Variants in PCSK1 observed in about 807,000 individuals in gnomAD.
PCSK1 encodes neuroendocrine convertase 1.
Under a neutral mutation model 90.6 loss-of-function variants are expected in PCSK1, and 56 were observed. The ratio of observed to expected loss-of-function variants is 0.62; its 90% CI spans 0.50 to 0.77. The LOEUF (loss-of-function observed/expected upper bound fraction) is 0.77, where lower values mean the gene tolerates loss of function less well. Ranked by LOEUF, PCSK1 falls within the 30% of genes least tolerant of loss-of-function variation. The pLI is 0.00. For synonymous variants in PCSK1, 348 were observed against 342.4 expected (o/e 1.02, Z -0.18); for missense variants, 801 against 932.6 (o/e 0.86, Z 1.84).
intron 9 of PCSK1, among the ~76,000 whole-genome samples, chr5:96,407,360 T>C (rs1398074502): frequency 6.6e-6 from 1 of 152,162 alleles, no homozygotes; most frequent in Non-Finnish European, 1.5e-5. Context: ...TTGAGCTTCA[T>C]TAGTAATTAA....
intron 2 of PCSK1, 104 bp downstream of exon 2, chr5:96,429,109 T>TAAA: frequency 1.7e-5 from 10 of 604,474 alleles, no homozygotes; most frequent in Admixed American, 2.7e-5. Flanking sequence ...TTGGTCACAA[T>TAAA]AAAAAAAAAA....
At chr5:96,406,343 T>A (rs1760562517) in intron 9 of PCSK1, among the ~76,000 whole-genome samples, 1 of 152,216 alleles carries the variant, frequency 6.6e-6, no homozygotes, top group African/African-American at 2.4e-5. Flanking sequence ...TCTCAGCTTG[T>A]GTTCATAGAT....
intron 2 of PCSK1, among the ~76,000 whole-genome samples, chr5:96,428,351 A>G (rs1761384863): frequency 6.6e-6 from 1 of 152,180 alleles, no homozygotes. Flanking sequence ...TAGGTAACAA[A>G]AATTATGTAC....
At chr5:96,421,836 G>T in intron 5 of PCSK1, 44 bp downstream of exon 5, 1 of 1,015,484 alleles carries the variant, frequency 9.8e-7, no homozygotes, top group Non-Finnish European at 1.6e-6. Context: ...CAAGATAAAA[G>T]CATTGTAAAG....
intron 5 of PCSK1, among the ~76,000 whole-genome samples, chr5:96,418,403 A>T (rs1406945051): frequency 6.6e-6 from 1 of 152,194 alleles, no homozygotes; most frequent in Non-Finnish European, 1.5e-5. Context: ...TCCTTGTCAC[A>T]TTTGTTATTT....
chr5:96,405,191 T>C (rs1760515445), intron 9 of PCSK1, among the ~76,000 whole-genome samples: 1 of 152,194 alleles, frequency 6.6e-6, no homozygotes. Context: ...AGATCAGTCA[T>C]ACTTATCTTA....
intron 5 of PCSK1, among the ~76,000 whole-genome samples, chr5:96,416,467 T>C (rs1051595424): frequency 1.3e-5 from 2 of 152,234 alleles, no homozygotes; most frequent in African/African-American, 4.8e-5. Context: ...TAACTATTGA[T>C]ACTATTATAA....
intron 9 of PCSK1, among the ~76,000 whole-genome samples, chr5:96,403,684 G>C (rs918543489): frequency 1.6e-4 from 25 of 152,296 alleles, no homozygotes; most frequent in Non-Finnish European, 2.6e-4. Flanking sequence ...AAGAGATGTA[G>C]GTAATGTAAT....
chr5:96,429,524 T>C (rs6873696), intron 1 of PCSK1, among the ~76,000 whole-genome samples: 3,151 of 152,138 alleles, frequency 0.021, 123 homozygotes, highest in African/African-American at 0.073. Context: ...TGTCACGGGG[T>C]ATTTTTGTAC....
At chr5:96,402,583 C>T (rs548980491) in intron 9 of PCSK1, among the ~76,000 whole-genome samples, 4 of 152,316 alleles carry the variant, frequency 2.6e-5, no homozygotes, top group Admixed American at 2.6e-4. Flanking sequence ...GTTCGGGGCT[C>T]CCTCAGCAGT....
chr5:96,411,119 G>T (rs1034952978), intron 7 of PCSK1, 133 bp from the exon 8 acceptor site: 1 of 758,408 alleles, frequency 1.3e-6, no homozygotes, highest in African/African-American at 1.7e-5. Flanking sequence ...TTCAATTCCA[G>T]ATCTTTTGGC....
In PCSK1 at chr5:96,398,906, G is replaced by T. The variant is rs374955423; in HGVS notation, c.1561C>A (p.Leu521Ile). 6.2e-7 allele frequency: 1 copy of T among 1,613,676 alleles called. No individual in the cohort carries two copies. The highest frequency in any genetic ancestry group is 1.1e-5 in the South Asian group (1 of 91,060). The change falls in exon 11 of 14, where the codon CTT (leucine) becomes ATT (isoleucine). Residue 521 changes from leucine (L) to isoleucine (I), a missense_variant. Physicochemically the swap from Leu to Ile is conservative, Grantham distance 5. Transcript: ENST00000311106. ...ATIEYSRRGD[L>I]HVTLTSAAGT... ...GCAGCAGAAGTAAGTGTGACATGAA[G>T]GTCTCCTCTTCGGGAATATTCAATT...
In PCSK1 at chr5:96,400,909, A is replaced by G. The variant is rs189438904; in HGVS notation, c.1197-723T>C. On this transcript the variant is annotated intron_variant, in intron 9 of 13. Transcript: ENST00000311106. ...GAGACCATCTTGGCTAACACGGTGAAACCCCGTCTCTACTAAAAATACAAA... is the reference window on the plus strand; with the variant it reads ...GAGACCATCTTGGCTAACACGGTGAGACCCCGTCTCTACTAAAAATACAAA... Among the ~76,000 whole-genome samples the G allele has an allele frequency of 6.2e-3, 933 of 151,400 alleles. 10 individuals carry two copies. Among genetic ancestry groups the G allele is most frequent in the African/African-American group, 0.021 (886 of 41,226 alleles).
intron 5 of PCSK1, among the ~76,000 whole-genome samples, chr5:96,421,102 G>A (rs1761113111): frequency 6.6e-6 from 1 of 152,212 alleles, no homozygotes; most frequent in Non-Finnish European, 1.5e-5. Context: ...CACTTTGAGG[G>A]TCCACATGCC....
In PCSK1 at chr5:96,412,204, CT is replaced by C. The variant is rs111684351; in HGVS notation, c.882+113del. On this transcript the variant is annotated intron_variant, in intron 7 of 13. Coordinates refer to ENST00000311106, the MANE Select transcript of PCSK1 (RefSeq NM_000439.5). ...TAAGTGCATTTAAAATTGTAAAGGA[CT>C]TTGTTAAGAAATCCACAACAATGTT... 5.5e-5 allele frequency: 53 copies of C among 961,166 alleles called. 3 individuals are homozygous for C. Among genetic ancestry groups the C allele is most frequent in the African/African-American group, 3.7e-4 (23 of 62,106 alleles). The allele number at this position is 961,166 out of a possible 1,614,324, so 59.5% of individuals were successfully genotyped here. A position where few individuals can be genotyped will look rare whatever the true frequency, so the allele number is the denominator to read the frequency against.
At chr5:96,415,502 G>A (rs1163631478) in intron 6 of PCSK1, among the ~76,000 whole-genome samples, 1 of 152,126 alleles carries the variant, frequency 6.6e-6, no homozygotes, top group East Asian at 1.9e-4. Flanking sequence ...GTCCACAGTT[G>A]CCCTAATGCA....
At position 96,398,902 on chromosome 5, in the gene PCSK1, T is replaced by G; in HGVS notation, c.1565A>C (p.His522Pro). 6.2e-7 allele frequency: 1 copy of G among 1,613,800 alleles called. No individual in the cohort carries two copies. Among genetic ancestry groups the G allele is most frequent in the Non-Finnish European group, 8.5e-7 (1 of 1,179,686 alleles). ...ACCAGCAGCAGAAGTAAGTGTGACA[T>G]GAAGGTCTCCTCTTCGGGAATATTC... ...TIEYSRRGDLHVTLTSAAGTS... is the reference protein window; with the variant it reads ...TIEYSRRGDLPVTLTSAAGTS... The change falls in exon 11 of 14, where the codon CAT becomes CCT. Residue 522 changes from histidine to proline, a missense_variant. Coordinates refer to ENST00000311106, the MANE Select transcript of PCSK1 (RefSeq NM_000439.5).
chr5:96,421,307 C>A (rs906525798), intron 5 of PCSK1, among the ~76,000 whole-genome samples: 1 of 152,156 alleles, frequency 6.6e-6, no homozygotes, highest in Non-Finnish European at 1.5e-5. Context: ...TTCCTATGGC[C>A]TTATAGCAGC....
At position 96,419,434 on chromosome 5, in the gene PCSK1, T is replaced by C. The variant is rs531833202; in HGVS notation, c.620+2446A>G. ...TAATACCTCTCTCTCTCTCTCTCTCTCCCTCTCTCTCTCTATATATATATA... is the reference window on the plus strand; with the variant it reads ...TAATACCTCTCTCTCTCTCTCTCTCCCCCTCTCTCTCTCTATATATATATA... On this transcript the variant is annotated intron_variant, in intron 5 of 13. Coordinates refer to ENST00000311106, the MANE Select transcript of PCSK1 (RefSeq NM_000439.5). 1.6e-4 allele frequency among the ~76,000 whole-genome samples: 24 copies of C among 147,986 alleles called. No individual in the cohort carries two copies. In the South Asian group the frequency reaches 4.2e-3, roughly 26 times the overall value.
Sources: gnomAD v4.1 joint callset for allele counts (sites outside exome capture counted in the v4.1 genomes callset) on GRCh38, gnomAD v4.1.1 for gene constraint, MANE v1.5 for transcripts, NCBI Gene and HGNC (gene_info 2026-07-23, HGNC 2026-07-21) for gene names.